Variants in XPO1 observed in about 807,000 individuals in gnomAD.
The protein encoded by XPO1 is exportin 1.
A neutral mutation model predicts 133.3 loss-of-function variants in XPO1; 5 were observed. The ratio of observed to expected loss-of-function variants is 0.04; its 90% CI spans 0.02 to 0.08. The LOEUF (loss-of-function observed/expected upper bound fraction) is 0.08. Ranked by LOEUF, XPO1 falls within the 10% of genes least tolerant of loss-of-function variation. The probability of loss-of-function intolerance (pLI) is 1.00; values close to 1 mark genes in which losing one functional copy is unlikely to be tolerated. For missense variants in XPO1, 506 were observed against 1,267.5 expected, an observed-to-expected ratio of 0.40 and a Z score of 9.12; for synonymous variants, 419 against 408.2, an observed-to-expected ratio of 1.03 and a Z score of -0.32.
intron 6 of XPO1, among the ~76,000 whole-genome samples, chr2:61,501,785 A>C (rs1697539556): frequency 6.6e-6 from 1 of 151,756 alleles, no homozygotes; most frequent in South Asian, 2.1e-4. Flanking sequence ...TCCACACTGC[A>C]GCCACATAAA....
At chr2:61,497,413 C>T (rs536106309) in intron 9 of XPO1, among the ~76,000 whole-genome samples, 8 of 152,130 alleles carry the variant, frequency 5.3e-5, no homozygotes, top group East Asian at 3.9e-4. Context: ...GGTTTTGCCA[C>T]GTTGGGCCAG....
chr2:61,504,500 T>C (rs1042836167), intron 4 of XPO1, among the ~76,000 whole-genome samples: 1 of 152,242 alleles, frequency 6.6e-6, no homozygotes, highest in Non-Finnish European at 1.5e-5. Context: ...CTGTTCACTT[T>C]ACGCTTTGTC....
chr2:61,486,584 T>G (rs1008021082), intron 19 of XPO1, among the ~76,000 whole-genome samples: 3 of 152,026 alleles, frequency 2.0e-5, no homozygotes, highest in African/African-American at 7.2e-5. Context: ...GCCTATCGAG[T>G]AGCTGGGAGT....
rs1699439923 is a variant in XPO1 at position 61,538,154 on chromosome 2, G to T, written c.-599C>A. 1 of 215,238 alleles carries T rather than the reference G, an allele frequency of 4.6e-6. No homozygotes were observed. The highest frequency in any genetic ancestry group is 2.3e-5 in the African/African-American group (1 of 42,594). The allele number at this position is 215,238 out of a possible 1,614,324, so 13.3% of individuals were successfully genotyped here. On this transcript the variant is annotated 5_prime_UTR_variant, in exon 1 of 25. Coordinates refer to ENST00000401558, the MANE Select transcript of XPO1 (RefSeq NM_003400.4). ...TGCACGGACTGCAGCAGCAAAGACT[G>T]GAACAGGCACCGCCGCCGGGGCTGT... is the stretch of plus-strand genomic sequence containing the variant.
intron 4 of XPO1, among the ~76,000 whole-genome samples, chr2:61,504,664 G>A (rs143850379): frequency 5.6e-4 from 85 of 152,282 alleles, no homozygotes; most frequent in African/African-American, 1.9e-3. Flanking sequence ...AAAAAATTTA[G>A]TCATTAGCAT....
At chr2:61,493,477 A>T (rs1697091998) in intron 12 of XPO1, 1 of 197,822 alleles carries the variant, frequency 5.1e-6, no homozygotes, top group South Asian at 1.1e-4. Context: ...ACTGCACTCC[A>T]ACCTGAGCCA....
intron 4 of XPO1, among the ~76,000 whole-genome samples, chr2:61,506,886 CA>C (rs889426231): frequency 1.8e-4 from 27 of 152,072 alleles, no homozygotes; most frequent in African/African-American, 6.0e-4. Flanking sequence ...TAACACATTT[CA>C]ATTCCTTTAA....
At chr2:61,490,479 G>A (rs1573122946) in intron 17 of XPO1, among the ~76,000 whole-genome samples, 163 bp downstream of exon 17, 5 of 152,148 alleles carry the variant, frequency 3.3e-5, no homozygotes, top group Admixed American at 3.3e-4. Flanking sequence ...GATTACAGGC[G>A]TGAGCCACCA....
chr2:61,481,209 T>C lies in XPO1; in HGVS notation c.3045A>G (p.Leu1015=), dbSNP rs1208746914. ...NQDIPAFKEH[L]RDFLVQIKEF... is the part of the protein sequence containing the mutation. ...CCTTTATTTGAACTAGGAAATCTCT[T>C]AAATGTTCCTTGAAAGCAGGAATAT... The change falls in exon 24 of 25, where the codon TTA becomes TTG. Residue 1015 remains leucine, a synonymous_variant. Coordinates refer to ENST00000401558, the MANE Select transcript of XPO1 (RefSeq NM_003400.4). The C allele has an allele frequency of 1.2e-6, 2 of 1,610,528 alleles. No homozygotes were observed.
At chr2:61,523,988 G>A (rs1558673883) in intron 3 of XPO1, among the ~76,000 whole-genome samples, 1 of 152,148 alleles carries the variant, frequency 6.6e-6, no homozygotes, top group Non-Finnish European at 1.5e-5. Flanking sequence ...GCAGTAAATA[G>A]TGATGCTTTC....
intron 22 of XPO1, 106 bp from the exon 23 acceptor site, chr2:61,482,645 AC>A: frequency 9.0e-7 from 1 of 1,105,772 alleles, no homozygotes; most frequent in Non-Finnish European, 1.2e-6. Context: ...TCGCTCTGTC[AC>A]CCAAGCTGGA....
chr2:61,513,437 C>A (rs936443825), intron 4 of XPO1, among the ~76,000 whole-genome samples: 1 of 146,524 alleles, frequency 6.8e-6, no homozygotes, highest in Non-Finnish European at 1.5e-5. Context: ...GTGATCTAGG[C>A]TTACTGCAGT....
intron 19 of XPO1, among the ~76,000 whole-genome samples, chr2:61,486,581 G>C (rs890963110): frequency 4.6e-5 from 7 of 151,980 alleles, no homozygotes; most frequent in Non-Finnish European, 8.8e-5. Context: ...TCAGCCTATC[G>C]AGTAGCTGGG....
intron 2 of XPO1, among the ~76,000 whole-genome samples, chr2:61,529,505 A>C (rs748951324): frequency 1.8e-4 from 27 of 151,952 alleles, no homozygotes; most frequent in Non-Finnish European, 3.2e-4. Context: ...AAAATTCAAA[A>C]ATTAGCTGGG....
chr2:61,483,373 C>T, intron 21 of XPO1: 1 of 313,408 alleles, frequency 3.2e-6, no homozygotes, highest in Non-Finnish European at 5.9e-6. Flanking sequence ...TGGGGAAGGG[C>T]AGGAGTGGGT....
At chr2:61,524,443 T>C (rs1318876411) in intron 3 of XPO1, among the ~76,000 whole-genome samples, 1 of 152,200 alleles carries the variant, frequency 6.6e-6, no homozygotes, top group Non-Finnish European at 1.5e-5. Context: ...AGCATAAGCT[T>C]GATGAAGATA....
At chr2:61,511,493 G>A (rs1013999820) in intron 4 of XPO1, among the ~76,000 whole-genome samples, 6 of 151,534 alleles carry the variant, frequency 4.0e-5, no homozygotes, top group African/African-American at 1.5e-4. Context: ...ATCAGGGCTC[G>A]ACCTCCTGCC....
Position 61,478,250 on chromosome 2 carries a change from G to A in XPO1, c.*570C>T, listed in dbSNP as rs769072430. On this transcript the variant is annotated 3_prime_UTR_variant, in exon 25 of 25. Transcript: ENST00000401558. ...CTAACTGTGTTCCCATATTTTTGAA[G>A]TCGCTTTACAATGGGATGATATGCA... The A allele has an allele frequency of 1.7e-5, 4 of 233,588 alleles. No individual in the cohort carries two copies. Among genetic ancestry groups the A allele is most frequent in the Non-Finnish European group, 2.5e-5 (3 of 118,002 alleles). The allele number at this position is 233,588 out of a possible 1,614,324, so 14.5% of individuals were successfully genotyped here.
At chr2:61,521,453 G>A (rs1212720103) in intron 4 of XPO1, among the ~76,000 whole-genome samples, 1 of 152,112 alleles carries the variant, frequency 6.6e-6, no homozygotes, top group African/African-American at 2.4e-5. Flanking sequence ...AGAGATAAAT[G>A]AAATATAGTA....
Sources: gnomAD v4.1 joint callset for allele counts (sites outside exome capture counted in the v4.1 genomes callset) on GRCh38, gnomAD v4.1.1 for gene constraint, MANE v1.5 for transcripts, NCBI Gene and HGNC (gene_info 2026-07-23, HGNC 2026-07-21) for gene names.